The following FBXL17 variants were observed in gnomAD, a reference collection of about 807,000 sequenced individuals.
FBXL17 encodes the protein F-box and leucine rich repeat protein 17.
FBXL17 carries 22 observed loss-of-function variants against 66.2 expected under a neutral mutation model. The ratio of observed to expected loss-of-function variants is 0.33; its 90% CI spans 0.24 to 0.47. The LOEUF (loss-of-function observed/expected upper bound fraction) is 0.47, where lower values mean the gene tolerates loss of function less well. Ranked by LOEUF, FBXL17 falls within the 20% of genes least tolerant of loss-of-function variation. FBXL17 has a pLI of 1.00. For missense variants in FBXL17, 878 were observed against 948.2 expected (o/e 0.93, Z 0.97); for synonymous variants, 474 against 400.5 (o/e 1.18, Z -2.19).
intron 6 of FBXL17, among the ~76,000 whole-genome samples, chr5:108,047,491 G>C (rs1200330711): frequency 6.6e-6 from 1 of 152,158 alleles, no homozygotes; most frequent in East Asian, 1.9e-4. Context: ...GAGCTCCCTG[G>C]GGGAGGGCCA....
chr5:108,350,399 G>C (rs1321895225), intron 3 of FBXL17, among the ~76,000 whole-genome samples: 2 of 152,180 alleles, frequency 1.3e-5, no homozygotes, highest in Non-Finnish European at 2.9e-5. Context: ...AAAATATGGG[G>C]ATTTGTGAAC....
chr5:107,895,885 G>A (rs542317693), intron 7 of FBXL17, among the ~76,000 whole-genome samples: 21 of 152,166 alleles, frequency 1.4e-4, no homozygotes, highest in Non-Finnish European at 2.4e-4. Flanking sequence ...AATGATTTAC[G>A]TCGTTTTTGT....
At chr5:108,203,746 A>G (rs1753994850) in intron 5 of FBXL17, among the ~76,000 whole-genome samples, 1 of 152,188 alleles carries the variant, frequency 6.6e-6, no homozygotes, top group Non-Finnish European at 1.5e-5. Flanking sequence ...AAGGCAATCT[A>G]AACCAATCGA....
chr5:108,053,741 C>A (rs1000654823), intron 6 of FBXL17, among the ~76,000 whole-genome samples: 7 of 152,148 alleles, frequency 4.6e-5, no homozygotes, highest in African/African-American at 1.4e-4. Flanking sequence ...TACCATTTGA[C>A]CCAGCAATCC....
intron 6 of FBXL17, among the ~76,000 whole-genome samples, chr5:108,036,616 C>T (rs1746851104): frequency 6.6e-6 from 1 of 152,146 alleles, no homozygotes. Context: ...CCCCTAGTTT[C>T]CCTTCATTTT....
At chr5:108,093,099 C>G (rs1461943082) in intron 6 of FBXL17, among the ~76,000 whole-genome samples, 1 of 151,968 alleles carries the variant, frequency 6.6e-6, no homozygotes, top group Non-Finnish European at 1.5e-5. Context: ...ATCCCTCCCC[C>G]CATACATGCA....
Position 108,372,624 on chromosome 5 carries a change from CAA to C in FBXL17, c.994-4673_994-4672del, listed in dbSNP as rs372743615. 2.7e-3 allele frequency among the ~76,000 whole-genome samples: 413 copies of C among 152,242 alleles called. 1 individual carries two copies. The highest frequency in any genetic ancestry group is 9.6e-3 in the African/African-American group (398 of 41,546). ...CCAGAAGGCAGTGGGATAACATATT[CAA>C]AATGCTGAAAGGAAACTGTCAACCA... On this transcript the variant is annotated intron_variant, in intron 1 of 8. Transcript: ENST00000542267.
chr5:108,282,118 T>C (rs756983408), intron 4 of FBXL17, among the ~76,000 whole-genome samples: 16 of 151,754 alleles, frequency 1.1e-4, no homozygotes, highest in Non-Finnish European at 1.8e-4. Flanking sequence ...ACTACAATCC[T>C]CCTAAAACTG....
chr5:108,075,927 C>T (rs757107361), intron 6 of FBXL17, among the ~76,000 whole-genome samples: 16 of 152,082 alleles, frequency 1.1e-4, no homozygotes, highest in Non-Finnish European at 2.2e-4. Context: ...GATGCCAAAT[C>T]GACTTACAAA....
intron 7 of FBXL17, among the ~76,000 whole-genome samples, chr5:108,005,143 T>C (rs1326737467): frequency 1.3e-5 from 2 of 151,232 alleles, no homozygotes; most frequent in Non-Finnish European, 2.9e-5. Context: ...CCAGACTGAA[T>C]AGGCACAAGC....
intron 7 of FBXL17, among the ~76,000 whole-genome samples, chr5:107,980,484 T>G (rs976433045): frequency 1.3e-5 from 2 of 149,148 alleles, no homozygotes; most frequent in African/African-American, 2.5e-5. Flanking sequence ...TACAAGCTCA[T>G]GCCACCATGC....
chr5:107,909,345 C>T (rs1179776473), intron 7 of FBXL17, among the ~76,000 whole-genome samples: 1 of 152,154 alleles, frequency 6.6e-6, no homozygotes, highest in East Asian at 1.9e-4. Flanking sequence ...TGTATGTGAA[C>T]AGTGTTTATT....
chr5:108,323,840 G>A (rs1289758142), intron 4 of FBXL17, among the ~76,000 whole-genome samples: 2 of 152,034 alleles, frequency 1.3e-5, no homozygotes, highest in Non-Finnish European at 2.9e-5. Flanking sequence ...TGGGGAAAGG[G>A]CAGCCTTTTC....
chr5:108,271,980 C>A (rs2150138724), intron 4 of FBXL17, among the ~76,000 whole-genome samples: 1 of 152,256 alleles, frequency 6.6e-6, no homozygotes, highest in South Asian at 2.1e-4. Context: ...TACACTGGTA[C>A]AATGTGTGGC....
intron 6 of FBXL17, among the ~76,000 whole-genome samples, chr5:108,078,845 G>A (rs1436089489): frequency 6.6e-6 from 1 of 152,126 alleles, no homozygotes; most frequent in Non-Finnish European, 1.5e-5. Context: ...ACGGGGTTAG[G>A]TAATCACTGT....
chr5:108,037,563 A>G (rs1212101046), intron 6 of FBXL17, among the ~76,000 whole-genome samples: 1 of 152,176 alleles, frequency 6.6e-6, no homozygotes, highest in East Asian at 1.9e-4. Context: ...TTTTTAGTTT[A>G]ATTCAGAAGT....
intron 6 of FBXL17, among the ~76,000 whole-genome samples, chr5:108,158,421 T>C (rs1445553190): frequency 1.3e-5 from 2 of 152,060 alleles, no homozygotes; most frequent in Non-Finnish European, 2.9e-5. Context: ...TAGGAAGTAG[T>C]GTGTCTTAAA....
intron 6 of FBXL17, among the ~76,000 whole-genome samples, chr5:108,100,182 C>T (rs1212495623): frequency 6.6e-6 from 1 of 152,098 alleles, no homozygotes; most frequent in East Asian, 1.9e-4. Flanking sequence ...ATTTGCATAG[C>T]ATACAAATTT....
At chr5:108,138,134 G>C (rs1420219539) in intron 6 of FBXL17, among the ~76,000 whole-genome samples, 3 of 152,120 alleles carry the variant, frequency 2.0e-5, no homozygotes, top group African/African-American at 4.8e-5. Flanking sequence ...TCAGTAATTT[G>C]TCTAAAGTTA....
Sources: gnomAD v4.1 joint callset for allele counts (sites outside exome capture counted in the v4.1 genomes callset) on GRCh38, gnomAD v4.1.1 for gene constraint, MANE v1.5 for transcripts, NCBI Gene and HGNC (gene_info 2026-07-23, HGNC 2026-07-21) for gene names.